Variants in FXYD6 observed in about 807,000 individuals in gnomAD.
The protein encoded by FXYD6 is FXYD domain-containing ion transport regulator 6.
A neutral mutation model predicts 16.7 loss-of-function variants in FXYD6; 7 were observed. That is an observed-to-expected ratio of 0.42 (90% CI 0.24 to 0.79). The LOEUF is 0.79. FXYD6 is among the 30% of genes least tolerant of loss of function. The pLI, the probability that FXYD6 is intolerant of heterozygous loss-of-function variation, is 0.28. For missense variants in FXYD6, 111 were observed against 116.2 expected (o/e 0.95, Z 0.21); for synonymous variants, 49 against 43.0 (o/e 1.14, Z -0.54).
intron 5 of FXYD6, among the ~76,000 whole-genome samples, 167 bp downstream of exon 5, chr11:117,840,981 A>G (rs1751606798): frequency 6.6e-6 from 1 of 152,076 alleles, no homozygotes; most frequent in South Asian, 2.1e-4. Flanking sequence ...CCTTTGCCCC[A>G]GAGTCTACCT....
At chr11:117,851,282 GCT>G (rs35477142) in intron 1 of FXYD6, among the ~76,000 whole-genome samples, 31,336 of 151,558 alleles carry the variant, frequency 0.21, 4,360 homozygotes, top group Admixed American at 0.35. Flanking sequence ...CCTCTTGTGT[GCT>G]CTCTCTCTCT....
chr11:117,840,783 C>A (rs2134132788), intron 5 of FXYD6, among the ~76,000 whole-genome samples: 1 of 152,210 alleles, frequency 6.6e-6, no homozygotes, highest in African/African-American at 2.4e-5. Context: ...CAAGTGGGGA[C>A]TGTGTCGCAG....
At chr11:117,859,704 T>C (rs2056860324) in intron 1 of FXYD6, among the ~76,000 whole-genome samples, 1 of 152,166 alleles carries the variant, frequency 6.6e-6, no homozygotes, top group Non-Finnish European at 1.5e-5. Context: ...AGCTCTTGCT[T>C]AGCACAAATA....
chr11:117,839,844 C>G lies in FXYD6; in HGVS notation c.260-14G>C. The stretch of plus-strand genomic sequence containing the variant: ...GGGGCTCTGTTGCTGGAAAGAAAAC[C>G]AGAATGGATTATAGTGTATAGACTC... On this transcript the variant is annotated splice_polypyrimidine_tract_variant and intron_variant, in intron 6 of 7. Transcript: ENST00000526014. 6.2e-7 allele frequency: 1 copy of G among 1,614,202 alleles called. No homozygotes were observed. Among genetic ancestry groups the G allele is most frequent in the Admixed American group, 1.7e-5 (1 of 60,024 alleles).
At chr11:117,854,841 G>T (rs1310184074) in intron 1 of FXYD6, among the ~76,000 whole-genome samples, 1 of 152,148 alleles carries the variant, frequency 6.6e-6, no homozygotes, top group African/African-American at 2.4e-5. Flanking sequence ...CAGTGAGAGG[G>T]GAAACAGAGA....
At chr11:117,849,075 A>T (rs1436011414) in intron 1 of FXYD6, among the ~76,000 whole-genome samples, 1 of 152,202 alleles carries the variant, frequency 6.6e-6, no homozygotes, top group African/African-American at 2.4e-5. Context: ...ATTTTCCAAT[A>T]TAAGCATTTA....
chr11:117,855,169 A>G (rs974479517), intron 1 of FXYD6, among the ~76,000 whole-genome samples: 1 of 152,228 alleles, frequency 6.6e-6, no homozygotes, highest in African/African-American at 2.4e-5. Flanking sequence ...GTGCCAAGCT[A>G]AAGAGTTAAG....
At chr11:117,838,419 A>G in intron 7 of FXYD6, 142 bp from the exon 8 acceptor site, 1 of 666,758 alleles carries the variant, frequency 1.5e-6, no homozygotes, top group East Asian at 2.7e-5. Flanking sequence ...GGAGACAAAG[A>G]CACAGGGGAG....
chr11:117,843,975 A>G (rs920616818), intron 1 of FXYD6: 5 of 152,226 alleles, frequency 3.3e-5, no homozygotes, highest in Admixed American at 3.3e-4. Context: ...CAGAGAGGAG[A>G]CAGAGAGGCT....
intron 1 of FXYD6, among the ~76,000 whole-genome samples, chr11:117,867,184 C>A (rs549233101): frequency 6.6e-6 from 1 of 152,332 alleles, no homozygotes; most frequent in African/African-American, 2.4e-5. Context: ...CCTTATCCTT[C>A]CAGTAACCAA....
chr11:117,841,608 G>T (rs1019058717), intron 4 of FXYD6, 183 bp downstream of exon 4: 2 of 647,792 alleles, frequency 3.1e-6, no homozygotes, highest in African/African-American at 3.7e-5. Context: ...TTGTTCCCGT[G>T]TCACTGTTTT....
intron 1 of FXYD6, among the ~76,000 whole-genome samples, chr11:117,874,825 C>T (rs1358612986): frequency 6.6e-6 from 1 of 152,252 alleles, no homozygotes; most frequent in East Asian, 1.9e-4. Context: ...GAGCTCCGGA[C>T]TGGGGCTTTG....
At chr11:117,839,584 G>T in intron 7 of FXYD6, 197 bp downstream of exon 7, 1 of 595,106 alleles carries the variant, frequency 1.7e-6, no homozygotes, top group Non-Finnish European at 2.9e-6. Context: ...CATGTGTGTG[G>T]GACACTTCGG....
chr11:117,853,731 G>A (rs908430459), intron 1 of FXYD6, among the ~76,000 whole-genome samples: 1 of 152,126 alleles, frequency 6.6e-6, no homozygotes, highest in Non-Finnish European at 1.5e-5. Context: ...GACCTCAAGT[G>A]ATCCTTCTGG....
chr11:117,869,518 G>C (rs1004836711), intron 1 of FXYD6, among the ~76,000 whole-genome samples: 2 of 152,196 alleles, frequency 1.3e-5, no homozygotes, highest in Non-Finnish European at 2.9e-5. Context: ...AACCGGCCCA[G>C]ACCCAACCCA....
chr11:117,877,249 T>C (rs1041386728), upstream of FXYD6: 7 of 152,160 alleles, frequency 4.6e-5, no homozygotes, highest in African/African-American at 1.4e-4. Context: ...CCAGTTGTAG[T>C]TGTCATTTTC....
chr11:117,852,480 A>G (rs1182163324), intron 1 of FXYD6, among the ~76,000 whole-genome samples: 2 of 152,182 alleles, frequency 1.3e-5, no homozygotes, highest in African/African-American at 4.8e-5. Flanking sequence ...GGCTTCCATG[A>G]TTGCTGTTGA....
intron 1 of FXYD6, among the ~76,000 whole-genome samples, chr11:117,871,935 G>T (rs2057145484): frequency 6.6e-6 from 1 of 152,216 alleles, no homozygotes; most frequent in African/African-American, 2.4e-5. Context: ...GGCAGAGGGT[G>T]AGACAGTACC....
Position 117,861,396 on chromosome 11 carries a change from G to C in FXYD6, c.-6+15196C>G, listed in dbSNP as rs528485519. Among the ~76,000 whole-genome samples, 382 of 152,296 alleles carry C rather than the reference G, an allele frequency of 2.5e-3. 2 individuals carry two copies. The highest frequency in any genetic ancestry group is 4.1e-3 in the Non-Finnish European group (282 of 68,010). On this transcript the variant is annotated intron_variant, in intron 1 of 7. Coordinates refer to ENST00000526014, the MANE Select transcript of FXYD6 (RefSeq NM_022003.4). ...GCAGGGGAGAGAGGCAGGGAGGAGG[G>C]GCCCAGAGAGCTTCCTAGCTGTGCC...
Sources: gnomAD v4.1 joint callset for allele counts (sites outside exome capture counted in the v4.1 genomes callset) on GRCh38, gnomAD v4.1.1 for gene constraint, MANE v1.5 for transcripts, NCBI Gene and HGNC (gene_info 2026-07-23, HGNC 2026-07-21) for gene names.